The following CYLC1 variants were observed in gnomAD, a reference collection of about 807,000 sequenced individuals.
CYLC1 encodes cylicin-1.
Under a neutral mutation model 31.6 loss-of-function variants are expected in CYLC1, and 2 were observed. The ratio of observed to expected loss-of-function variants is 0.06; its 90% confidence interval spans 0.03 to 0.20. The LOEUF (loss-of-function observed/expected upper bound fraction) is 0.20. Ranked by LOEUF, CYLC1 falls within the 10% of genes least tolerant of loss-of-function variation. The probability of loss-of-function intolerance (pLI) is 1.00; values close to 1 mark genes in which losing one functional copy is unlikely to be tolerated. For missense variants in CYLC1, 595 were observed against 424.1 expected, an observed-to-expected ratio of 1.40 and a Z score of -3.54; for synonymous variants, 185 against 153.0, an observed-to-expected ratio of 1.21 and a Z score of -1.54.
chrX:83,861,293 C>A, intron 1 of CYLC1, 94 bp downstream of exon 1: 1 of 608,416 alleles, frequency 1.6e-6, no homozygotes, highest in Non-Finnish European at 2.5e-6. Context: ...AAGAATGTTT[C>A]TTTCATAGTC....
intron 4 of CYLC1, among the ~76,000 whole-genome samples, chrX:83,879,207 C>T (rs980628414): frequency 3.6e-5 from 4 of 109,830 alleles, no homozygotes; most frequent in Admixed American, 9.9e-5. Flanking sequence ...ATATAAAATA[C>T]GTAAAGAAAA....
Position 83,886,637 on chromosome X carries a change from C to T in CYLC1, c.*53C>T. 1 of 1,024,142 alleles carries T rather than the reference C, an allele frequency of 9.8e-7. No homozygotes were observed. Among genetic ancestry groups the T allele is most frequent in the Non-Finnish European group, 1.4e-6 (1 of 729,543 alleles). 84.4% of individuals were successfully genotyped at this position (1,024,142 alleles called of 1,213,427 possible). ...AATGGCCTTACCACAGTAAGCACCA[C>T]CTACTCTCAAATGAGCATTTCTACC... On this transcript the variant is annotated 3_prime_UTR_variant, in exon 5 of 5. Coordinates refer to ENST00000329312, the MANE Select transcript of CYLC1 (RefSeq NM_021118.3).
At chrX:83,865,900 T>C (rs890350663) in intron 1 of CYLC1, among the ~76,000 whole-genome samples, 1 of 111,242 alleles carries the variant, frequency 9.0e-6, no homozygotes, top group Non-Finnish European at 1.9e-5. Context: ...AAATTGTATC[T>C]TTAGGGTATA....
chrX:83,864,605 T>TA, intron 1 of CYLC1: 2 of 233,775 alleles, frequency 8.6e-6, no homozygotes, highest in Non-Finnish European at 1.6e-5. Flanking sequence ...GGTGGATAAT[T>TA]CAAAAAGAAC....
chrX:83,861,794 A>G (rs1265606819), intron 1 of CYLC1, among the ~76,000 whole-genome samples: 1 of 111,619 alleles, frequency 9.0e-6, no homozygotes, highest in Non-Finnish European at 1.9e-5. Context: ...AAGTAGTTTA[A>G]AAATTAAGAT....
intron 4 of CYLC1, among the ~76,000 whole-genome samples, chrX:83,881,573 C>T (rs1458390998): frequency 9.2e-6 from 1 of 108,905 alleles, no homozygotes; most frequent in African/African-American, 3.3e-5. Flanking sequence ...TAACATTGGA[C>T]GGAGATTATT....
intron 1 of CYLC1, among the ~76,000 whole-genome samples, chrX:83,861,439 C>T (rs1375972063): frequency 1.8e-5 from 2 of 111,670 alleles, no homozygotes; most frequent in Non-Finnish European, 1.9e-5. Context: ...TGTTTGATCT[C>T]TCTGAGTCTC....
intron 4 of CYLC1, 127 bp downstream of exon 4, chrX:83,874,758 C>T (rs2031736111): frequency 2.7e-6 from 2 of 732,473 alleles, no homozygotes; most frequent in Admixed American, 4.8e-5. Context: ...CTTTGTGACT[C>T]GAAGGTAAGA....
At chrX:83,883,804 A>G in intron 4 of CYLC1, among the ~76,000 whole-genome samples, 1 of 112,042 alleles carries the variant, frequency 8.9e-6, no homozygotes, top group East Asian at 2.8e-4. Context: ...TTAGAGGACT[A>G]CCAAAAAATG....
chrX:83,862,375 CA>C (rs754165765), intron 1 of CYLC1, among the ~76,000 whole-genome samples: 2,882 of 58,818 alleles, frequency 0.049, 127 homozygotes, highest in African/African-American at 0.14. Context: ...ACTAAAAATA[CA>C]AAAAAAAAAA....
chrX:83,863,341 CATT>C (rs1360262071), intron 1 of CYLC1, among the ~76,000 whole-genome samples: 4 of 111,086 alleles, frequency 3.6e-5, no homozygotes, highest in African/African-American at 1.3e-4. Flanking sequence ...TAAGACTGAT[CATT>C]GATTCTACTA....
chrX:83,869,007 A>C (rs1049297850), intron 1 of CYLC1, among the ~76,000 whole-genome samples: 6 of 109,507 alleles, frequency 5.5e-5, no homozygotes, highest in African/African-American at 2.0e-4. Context: ...AGCCTTTCAC[A>C]CTCTAACATG....
At chrX:83,878,708 A>AT (rs2031865890) in intron 4 of CYLC1, among the ~76,000 whole-genome samples, 1 of 103,180 alleles carries the variant, frequency 9.7e-6, no homozygotes, top group Admixed American at 1.1e-4. Context: ...TAAAACAAGT[A>AT]TTTTTTTAAG....
At chrX:83,881,989 C>A (rs1780545536) in intron 4 of CYLC1, among the ~76,000 whole-genome samples, 1 of 110,754 alleles carries the variant, frequency 9.0e-6, no homozygotes, top group Admixed American at 9.7e-5. Context: ...AGCCACCGCG[C>A]CTGGTCACCT....
chrX:83,866,316 A>T (rs2147777042), intron 1 of CYLC1, among the ~76,000 whole-genome samples: 1 of 111,901 alleles, frequency 8.9e-6, no homozygotes, highest in African/African-American at 3.2e-5. Context: ...AAACTGAGTA[A>T]ACTCTGTTAG....
intron 4 of CYLC1, among the ~76,000 whole-genome samples, chrX:83,886,084 G>A (rs181272796): frequency 9.2e-4 from 103 of 111,363 alleles, no homozygotes; most frequent in African/African-American, 3.0e-3. Context: ...ATGCAAATTC[G>A]AAAATAATTG....
At chrX:83,877,920 A>ATATATATATATATATATATATATTTG (rs1475752371) in intron 4 of CYLC1, among the ~76,000 whole-genome samples, 1 of 80,669 alleles carries the variant, frequency 1.2e-5, no homozygotes, top group Non-Finnish European at 2.3e-5. Flanking sequence ...ATATATATAT[A>ATATATATATATATATATATATATTTG]TATATAAATA....
intron 4 of CYLC1, among the ~76,000 whole-genome samples, chrX:83,879,253 G>A (rs2147785971): frequency 9.1e-6 from 1 of 110,264 alleles, no homozygotes; most frequent in African/African-American, 3.3e-5. Flanking sequence ...ACTTTCTGAT[G>A]CCAAATCCCC....
intron 4 of CYLC1, among the ~76,000 whole-genome samples, chrX:83,882,259 T>G (rs2031921289): frequency 9.0e-6 from 1 of 111,380 alleles, no homozygotes; most frequent in Non-Finnish European, 1.9e-5. Context: ...ATATAGGTTG[T>G]GTACATCATC....
Sources: allele counts gnomAD v4.1 joint callset (sites outside exome capture counted in the v4.1 genomes callset), GRCh38; gene constraint gnomAD v4.1.1; transcripts MANE v1.5; gene names NCBI Gene and HGNC (gene_info 2026-07-23, HGNC 2026-07-21).